The following SLC22A24 variants were observed in gnomAD, a reference collection of about 807,000 sequenced individuals.
SLC22A24 encodes the protein steroid transmembrane transporter SLC22A24.
In SLC22A24, 53 loss-of-function variants were observed where a neutral mutation model predicts 49.8. The observed-to-expected ratio is 1.06, with a 90% CI of 0.85 to 1.34. The LOEUF (loss-of-function observed/expected upper bound fraction) is 1.34. Ranked by LOEUF, SLC22A24 falls within the 40% of genes most tolerant of loss-of-function variation. SLC22A24 has a pLI of 0.00. For missense variants in SLC22A24, 786 were observed against 675.9 expected (o/e 1.16, Z -1.81); for synonymous variants, 302 against 256.4 (o/e 1.18, Z -1.70).
At chr11:63,135,436 C>T (rs1417212520) in intron 1 of SLC22A24, among the ~76,000 whole-genome samples, 1 of 152,200 alleles carries the variant, frequency 6.6e-6, no homozygotes, top group Non-Finnish European at 1.5e-5. Flanking sequence ...ATTCCAAATA[C>T]TTTACAAATT....
rs533210935 is a variant in SLC22A24 at position 63,106,894 on chromosome 11, A to C, written c.831-2596T>G. Among the ~76,000 whole-genome samples the C allele has an allele frequency of 2.2e-4, 33 of 152,178 alleles. 1 individual carries two copies. The highest frequency in any genetic ancestry group is 6.2e-4 in the South Asian group (3 of 4,830). ...TTTTTTAGGTTGCCTGTTCACTCTG[A>C]TGGTAGTTTCTTTTGCTGTGCAGAA... On this transcript the variant is annotated intron_variant, in intron 4 of 9. Transcript: ENST00000612278.
At position 63,083,427 on chromosome 11, in the gene SLC22A24, C is replaced by T; in HGVS notation, c.1101G>A (p.Leu367=). ...TCCCTAAGTGCTGCAAGTTGAGTAT[C>T]AGGCCATAAAAGGGTACAGTGATTG... is the stretch of plus-strand genomic sequence containing the variant. ...RFAITVPFYG[L]ILNLQHLGSN... is the part of the protein sequence containing the mutation. The change falls in exon 7 of 10, where the codon CTG becomes CTA. Residue 367 remains leucine, a synonymous_variant. Transcript: ENST00000612278. 6.4e-7 allele frequency: 1 copy of T among 1,551,292 alleles called. No individual in the cohort carries two copies. Among genetic ancestry groups the T allele is most frequent in the Non-Finnish European group, 8.7e-7 (1 of 1,146,782 alleles).
chr11:63,129,165 A>G (rs1007391751), intron 2 of SLC22A24, among the ~76,000 whole-genome samples: 5 of 152,196 alleles, frequency 3.3e-5, no homozygotes, highest in African/African-American at 1.2e-4. Context: ...AGGTGTAAGG[A>G]AGGGATCCAG....
intron 6 of SLC22A24, among the ~76,000 whole-genome samples, chr11:63,091,216 A>G (rs1353888872): frequency 2.0e-5 from 3 of 152,216 alleles, no homozygotes; most frequent in Non-Finnish European, 4.4e-5. Context: ...AAGAAGTCAA[A>G]TCCCTGAGTA....
intron 2 of SLC22A24, among the ~76,000 whole-genome samples, chr11:63,130,778 T>C (rs2134677755): frequency 6.6e-6 from 1 of 152,294 alleles, no homozygotes. Context: ...GTTTATAGTG[T>C]TCTCTGATGG....
intron 4 of SLC22A24, among the ~76,000 whole-genome samples, chr11:63,117,640 T>G (rs2087220939): frequency 6.6e-6 from 1 of 152,220 alleles, no homozygotes; most frequent in Non-Finnish European, 1.5e-5. Context: ...TGTATGATAA[T>G]CCATTTCCAC....
Position 63,118,966 on chromosome 11 carries a change from T to C in SLC22A24, c.776A>G (p.His259Arg), listed in dbSNP as rs1212655672. 1 of 1,551,938 alleles carries C rather than the reference T, an allele frequency of 6.4e-7. No individual in the cohort carries two copies. The highest frequency in any genetic ancestry group is 2.0e-5 in the Admixed American group (1 of 51,004). ...TGTAGACACAGTCAGTTGCAATATGTGCCAGTCCTGAATGGCAAAAGCCAG... is the reference window on the plus strand; with the variant it reads ...TGTAGACACAGTCAGTTGCAATATGCGCCAGTCCTGAATGGCAAAAGCCAG... ...GGLAFAIQDW[H>R]ILQLTVSTPI... The change falls in exon 4 of 10, where the codon CAC (histidine) becomes CGC (arginine). Residue 259 changes from histidine (H) to arginine (R), a missense_variant. Physicochemically the swap from His to Arg is conservative, Grantham distance 29. Coordinates refer to ENST00000612278, the MANE Select transcript of SLC22A24 (RefSeq NM_001136506.2).
At chr11:63,082,637 G>A (rs1420066156) in intron 7 of SLC22A24, among the ~76,000 whole-genome samples, 1 of 152,198 alleles carries the variant, frequency 6.6e-6, no homozygotes, top group African/African-American at 2.4e-5. Context: ...AACAGATAAA[G>A]AGATATTAAG....
At chr11:63,119,415 G>T in intron 2 of SLC22A24, 80 bp from the exon 3 acceptor site, 1 of 1,301,294 alleles carries the variant, frequency 7.7e-7, no homozygotes, top group Non-Finnish European at 1.0e-6. Context: ...GGCGCATCTT[G>T]AAATTAGGAT....
Position 63,118,910 on chromosome 11 carries a change from A to G in SLC22A24, c.830+2T>C. The G allele has an allele frequency of 6.4e-7, 1 of 1,552,062 alleles. No homozygotes were observed. Among genetic ancestry groups the G allele is most frequent in the Non-Finnish European group, 8.7e-7 (1 of 1,147,036 alleles). On this transcript the variant is annotated splice_donor_variant, in intron 4 of 9. Transcript: ENST00000612278. LOFTEE classifies it high-confidence loss of function. ...GGCAAAGAATGTGGAGATTGTTCAT[A>G]CCAAGAGGACAAGAAGAGGACAATT... is the stretch of plus-strand genomic sequence containing the variant.
chr11:63,111,879 T>G (rs2087168039), intron 4 of SLC22A24, among the ~76,000 whole-genome samples: 2 of 152,116 alleles, frequency 1.3e-5, no homozygotes, highest in Admixed American at 6.5e-5. Context: ...AGTTATTTCT[T>G]GCCTTCTGCT....
intron 4 of SLC22A24, among the ~76,000 whole-genome samples, chr11:63,106,234 C>T (rs958681580): frequency 6.6e-6 from 1 of 152,060 alleles, no homozygotes. Flanking sequence ...TTTCCAGTTT[C>T]ATCCACGTCC....
At chr11:63,112,040 G>T (rs1355229991) in intron 4 of SLC22A24, among the ~76,000 whole-genome samples, 1 of 151,778 alleles carries the variant, frequency 6.6e-6, no homozygotes, top group Non-Finnish European at 1.5e-5. Context: ...AGAGATTCTG[G>T]TATGTTGTGT....
intron 6 of SLC22A24, among the ~76,000 whole-genome samples, chr11:63,090,809 A>G (rs1306743511): frequency 6.6e-6 from 1 of 152,086 alleles, no homozygotes; most frequent in East Asian, 1.9e-4. Flanking sequence ...GTAGCCCTGA[A>G]TGCCTACCAC....
chr11:63,107,756 A>G (rs1282122197), intron 4 of SLC22A24, among the ~76,000 whole-genome samples: 12 of 152,078 alleles, frequency 7.9e-5, no homozygotes, highest in Admixed American at 7.9e-4. Context: ...GTATATAGGA[A>G]TGCTTGTGAT....
chr11:63,139,665 A>G (rs2087400735), intron 1 of SLC22A24, among the ~76,000 whole-genome samples: 1 of 152,148 alleles, frequency 6.6e-6, no homozygotes, highest in Non-Finnish European at 1.5e-5. Flanking sequence ...CAGTTGGTAA[A>G]AGCACCACAC....
At position 63,095,224 on chromosome 11, in the gene SLC22A24, C is replaced by T. The variant is rs141177862; in HGVS notation, c.1070+767G>A. On this transcript the variant is annotated intron_variant, in intron 6 of 9. Coordinates refer to ENST00000612278, the MANE Select transcript of SLC22A24 (RefSeq NM_001136506.2). ...TAGCCAGTTGAAGTGCACATTTGCA[C>T]ATCCAGTTTGGAATATTGATTGATA... Among the ~76,000 whole-genome samples, 59 of 151,760 alleles carry T rather than the reference C, an allele frequency of 3.9e-4. 1 individual carries two copies. The East Asian group carries it at 0.011, about 27-fold the overall frequency.
At chr11:63,118,774 C>T (rs775162718) in intron 4 of SLC22A24, 138 bp downstream of exon 4, 77 of 863,938 alleles carry the variant, frequency 8.9e-5, no homozygotes, top group Admixed American at 3.8e-4. Context: ...GTTTGCTTCT[C>T]AGGTGACACA....
rs186659782 is a variant in SLC22A24 at position 63,138,974 on chromosome 11, G to T, written c.403-4206C>A. ...TAAAGCACCTAGGAGGTTACCTTTG[G>T]TAAAGTTTAGAAATATTGGCTGCTT... is the stretch of plus-strand genomic sequence containing the variant. On this transcript the variant is annotated intron_variant, in intron 1 of 9. Coordinates refer to ENST00000612278, the MANE Select transcript of SLC22A24 (RefSeq NM_001136506.2). Among the ~76,000 whole-genome samples the T allele has an allele frequency of 2.0e-3, 309 of 152,240 alleles. 2 individuals are homozygous for T. The highest frequency in any genetic ancestry group is 7.2e-3 in the African/African-American group (300 of 41,544).
Sources: gnomAD v4.1 joint callset for allele counts (sites outside exome capture counted in the v4.1 genomes callset) on GRCh38, gnomAD v4.1.1 for gene constraint, MANE v1.5 for transcripts, NCBI Gene and HGNC (gene_info 2026-07-23, HGNC 2026-07-21) for gene names.